The following TENM1 variants were observed in gnomAD, a reference collection of about 807,000 sequenced individuals.
The protein encoded by TENM1 is teneurin-1.
Under a neutral mutation model 174.8 loss-of-function variants are expected in TENM1, and 35 were observed. That is an observed-to-expected ratio of 0.20 (90% CI 0.15 to 0.27). The LOEUF (loss-of-function observed/expected upper bound fraction) is 0.27. Among genes scored for constraint, TENM1 ranks in the 10% least tolerant of loss-of-function variants. The probability of loss-of-function intolerance (pLI) is 1.00; values close to 1 mark genes in which losing one functional copy is unlikely to be tolerated. For synonymous variants in TENM1, 781 were observed against 798.7 expected, an observed-to-expected ratio of 0.98 and a Z score of 0.37; for missense variants, 1,633 against 2,130.1, an observed-to-expected ratio of 0.77 and a Z score of 4.59.
the TENM1 span, among the ~76,000 whole-genome samples, chrX:125,105,158 G>A: frequency 1.8e-5 from 2 of 111,501 alleles, no homozygotes; most frequent in Admixed American, 1.9e-4. Flanking sequence ...GGTACAAACC[G>A]AAAAGGTTAT....
At chrX:125,044,190 AAAGATT>A in the TENM1 span, among the ~76,000 whole-genome samples, 1 of 58,955 alleles carries the variant, frequency 1.7e-5, no homozygotes. Context: ...AGGAAAAAAA[AAAGATT>A]AAAAATAAAA....
the TENM1 span, among the ~76,000 whole-genome samples, chrX:125,147,962 C>G: frequency 9.0e-6 from 1 of 111,661 alleles, no homozygotes; most frequent in Non-Finnish European, 1.9e-5. Context: ...ATAGAGAAAT[C>G]AAGTCGTCAT....
intron 11 of TENM1, among the ~76,000 whole-genome samples, chrX:124,581,873 T>C (rs1366085839): frequency 9.0e-6 from 1 of 111,519 alleles, no homozygotes; most frequent in East Asian, 2.8e-4. Context: ...TCTTTTGCCC[T>C]TTTTTTTAAA....
intron 3 of TENM1, among the ~76,000 whole-genome samples, chrX:124,848,503 T>A (rs1029210792): frequency 9.0e-6 from 1 of 111,382 alleles, no homozygotes; most frequent in Non-Finnish European, 1.9e-5. Context: ...ATGTATCTGG[T>A]CTTTTTGGAG....
At chrX:124,588,974 T>G (rs1479705366) in intron 11 of TENM1, among the ~76,000 whole-genome samples, 2 of 111,134 alleles carry the variant, frequency 1.8e-5, no homozygotes, top group Non-Finnish European at 3.8e-5. Flanking sequence ...CTTGTCTTGT[T>G]ACAGTCCTCA....
the TENM1 span, among the ~76,000 whole-genome samples, chrX:124,970,954 C>A: frequency 9.1e-6 from 1 of 109,434 alleles, no homozygotes; most frequent in African/African-American, 3.3e-5. Flanking sequence ...TACTATGCAG[C>A]CATAAAAAAG....
At chrX:124,784,577 C>T (rs1193684616) in intron 3 of TENM1, among the ~76,000 whole-genome samples, 1 of 111,447 alleles carries the variant, frequency 9.0e-6, no homozygotes, top group Non-Finnish European at 1.9e-5. Context: ...TATGATTCTT[C>T]CTCTAATATT....
intron 14 of TENM1, among the ~76,000 whole-genome samples, chrX:124,553,134 T>C (rs2048613255): frequency 9.0e-6 from 1 of 111,286 alleles, no homozygotes; most frequent in East Asian, 2.8e-4. Context: ...ACAATCCAAT[T>C]ATACTATTTT....
chrX:124,666,390 C>A (rs774069514), intron 6 of TENM1, among the ~76,000 whole-genome samples: 2 of 111,588 alleles, frequency 1.8e-5, no homozygotes, highest in Non-Finnish European at 1.9e-5. Flanking sequence ...TTTACCTGAG[C>A]CTTAATGCTC....
At chrX:125,048,388 A>C in the TENM1 span, among the ~76,000 whole-genome samples, 1 of 109,529 alleles carries the variant, frequency 9.1e-6, no homozygotes, top group South Asian at 4.0e-4. Context: ...CAGCCTTCCA[A>C]GTAGCTGTAA....
intron 18 of TENM1, among the ~76,000 whole-genome samples, chrX:124,504,137 G>T (rs2047393215): frequency 8.9e-6 from 1 of 111,799 alleles, no homozygotes; most frequent in African/African-American, 3.2e-5. Context: ...TCAGCAAGCT[G>T]CCTTTGGAGT....
intron 22 of TENM1, among the ~76,000 whole-genome samples, chrX:124,458,451 T>G (rs1477833900): frequency 1.8e-5 from 2 of 112,098 alleles, no homozygotes; most frequent in African/African-American, 6.5e-5. Flanking sequence ...CATCAGGATT[T>G]CTCCAGTAAG....
chrX:124,446,744 T>C (rs1266298569), intron 23 of TENM1, among the ~76,000 whole-genome samples: 1 of 112,598 alleles, frequency 8.9e-6, no homozygotes, highest in Non-Finnish European at 1.9e-5. Flanking sequence ...CTTTGTGGAG[T>C]TGGAAGGAAC....
chrX:124,754,632 T>G (rs2054178201), intron 3 of TENM1, among the ~76,000 whole-genome samples: 1 of 110,982 alleles, frequency 9.0e-6, no homozygotes, highest in Non-Finnish European at 1.9e-5. Flanking sequence ...TTTAGTGCTA[T>G]AAATTTCCGT....
chrX:124,781,196 C>A (rs1475063573), intron 3 of TENM1, among the ~76,000 whole-genome samples: 1 of 111,495 alleles, frequency 9.0e-6, no homozygotes, highest in Non-Finnish European at 1.9e-5. Context: ...ATTACTTGAG[C>A]CTTTTTATGA....
intron 15 of TENM1, among the ~76,000 whole-genome samples, chrX:124,541,392 C>T (rs1193199191): frequency 8.9e-6 from 1 of 111,957 alleles, no homozygotes; most frequent in African/African-American, 3.2e-5. Context: ...TGAGTGAGTT[C>T]TCATGAGGTC....
intron 31 of TENM1, among the ~76,000 whole-genome samples, chrX:124,382,235 T>A (rs940099806): frequency 8.9e-6 from 1 of 111,852 alleles, no homozygotes; most frequent in Non-Finnish European, 1.9e-5. Flanking sequence ...TCATTGTGTT[T>A]ATGTATTTTT....
chrX:124,896,714 T>C (rs780409269), intron 1 of TENM1, among the ~76,000 whole-genome samples: 1 of 112,171 alleles, frequency 8.9e-6, no homozygotes, highest in Non-Finnish European at 1.9e-5. Flanking sequence ...GAAAAAAGCA[T>C]TAAGTTCAAA....
chrX:124,886,435 A>G (rs2057384987), intron 3 of TENM1, among the ~76,000 whole-genome samples: 1 of 107,542 alleles, frequency 9.3e-6, no homozygotes, highest in South Asian at 3.9e-4. Context: ...TTATGTGTAG[A>G]TATTTATATT....
Sources: allele counts gnomAD v4.1 joint callset (sites outside exome capture counted in the v4.1 genomes callset), GRCh38; gene constraint gnomAD v4.1.1; transcripts MANE v1.5; gene names NCBI Gene and HGNC (gene_info 2026-07-23, HGNC 2026-07-21).